Variants in ARMH3 observed in about 807,000 individuals in gnomAD.
The protein encoded by ARMH3 is armadillo-like helical domain-containing protein 3.
Under a neutral mutation model 99.1 loss-of-function variants are expected in ARMH3, and 60 were observed. The ratio of observed to expected loss-of-function variants is 0.61; its 90% CI spans 0.49 to 0.75. The LOEUF is 0.75. Ranked by LOEUF, ARMH3 falls within the 30% of genes least tolerant of loss-of-function variation. The pLI is 0.00. For synonymous variants in ARMH3, 285 were observed against 292.8 expected (o/e 0.97, Z 0.27); for missense variants, 679 against 843.1 (o/e 0.81, Z 2.41).
intron 13 of ARMH3, among the ~76,000 whole-genome samples, chr10:102,008,512 T>C (rs930242488): frequency 6.6e-6 from 1 of 151,980 alleles, no homozygotes; most frequent in African/African-American, 2.4e-5. Flanking sequence ...GGGGTATTTT[T>C]GTTTGTTTTT....
At chr10:102,023,584 G>A in intron 7 of ARMH3, 21 bp from the exon 8 acceptor site, 1 of 1,611,254 alleles carries the variant, frequency 6.2e-7, no homozygotes, top group Non-Finnish European at 8.5e-7. Flanking sequence ...AACCAAAAAT[G>A]CATGAGACTG....
chr10:101,866,848 C>G (rs2067015700), intron 24 of ARMH3, among the ~76,000 whole-genome samples: 1 of 152,138 alleles, frequency 6.6e-6, no homozygotes, highest in East Asian at 1.9e-4. Context: ...AGATGAATTT[C>G]TAGACACTAT....
chr10:101,909,920 G>A (rs889518980), intron 23 of ARMH3, among the ~76,000 whole-genome samples: 4 of 151,684 alleles, frequency 2.6e-5, no homozygotes, highest in Non-Finnish European at 5.9e-5. Flanking sequence ...TAATATTTTG[G>A]GTACTTTGGG....
intron 11 of ARMH3, 23 bp downstream of exon 11, chr10:102,011,700 G>GAAA (rs762985385): frequency 1.7e-6 from 2 of 1,166,874 alleles, no homozygotes; most frequent in Non-Finnish European, 2.3e-6. Context: ...TTTTTCAGGA[G>GAAA]AAAAAAAAAA....
intron 19 of ARMH3, among the ~76,000 whole-genome samples, chr10:101,983,011 T>A (rs1368671127): frequency 6.6e-6 from 1 of 152,228 alleles, no homozygotes; most frequent in Non-Finnish European, 1.5e-5. Flanking sequence ...CCAAAAAGGT[T>A]GGGGACCACT....
intron 24 of ARMH3, among the ~76,000 whole-genome samples, chr10:101,864,659 C>T (rs551746718): frequency 2.8e-4 from 42 of 152,246 alleles, no homozygotes; most frequent in Non-Finnish European, 4.6e-4. Flanking sequence ...AACCAAACAC[C>T]GCATGTTCTC....
chr10:101,966,517 GTGC>G (rs1175179617), intron 20 of ARMH3, among the ~76,000 whole-genome samples: 2 of 151,780 alleles, frequency 1.3e-5, no homozygotes, highest in East Asian at 3.9e-4. Flanking sequence ...ATCGGCCAAA[GTGC>G]TGGGATTATA....
At chr10:101,855,659 C>A (rs111515229) in intron 24 of ARMH3, among the ~76,000 whole-genome samples, 28 of 149,474 alleles carry the variant, frequency 1.9e-4, no homozygotes, top group African/African-American at 6.4e-4. Context: ...GATTCTTCCA[C>A]CTCAGCCTCC....
At chr10:102,036,362 C>T (rs1325278687) in intron 2 of ARMH3, among the ~76,000 whole-genome samples, 14 of 152,178 alleles carry the variant, frequency 9.2e-5, no homozygotes, top group South Asian at 8.3e-4. Context: ...GCCACCACCC[C>T]GTCTGGGAGG....
At chr10:101,860,598 G>A (rs1394704954) in intron 24 of ARMH3, among the ~76,000 whole-genome samples, 1 of 152,178 alleles carries the variant, frequency 6.6e-6, no homozygotes, top group Non-Finnish European at 1.5e-5. Flanking sequence ...TACTGAATTT[G>A]TTCCTAAATA....
intron 11 of ARMH3, among the ~76,000 whole-genome samples, chr10:102,011,318 C>T (rs976587771): frequency 2.0e-5 from 3 of 152,132 alleles, no homozygotes; most frequent in Non-Finnish European, 4.4e-5. Flanking sequence ...GCACTCAGAT[C>T]CAAACCCTAC....
chr10:102,038,329 C>T (rs796195534), intron 2 of ARMH3, among the ~76,000 whole-genome samples: 55 of 152,006 alleles, frequency 3.6e-4, no homozygotes, highest in African/African-American at 1.3e-3. Context: ...CTCCTGACCT[C>T]GTGATCCGCC....
intron 19 of ARMH3, among the ~76,000 whole-genome samples, chr10:101,984,220 A>G (rs188443722): frequency 6.6e-6 from 1 of 152,332 alleles, no homozygotes; most frequent in Admixed American, 6.5e-5. Context: ...TTACCAAGTG[A>G]CATAAGTTGC....
chr10:101,916,861 T>C (rs939965041), intron 23 of ARMH3, among the ~76,000 whole-genome samples: 5 of 152,186 alleles, frequency 3.3e-5, no homozygotes, highest in African/African-American at 9.7e-5. Flanking sequence ...TTTCTTGAGC[T>C]GGGACGTCCA....
chr10:102,007,749 C>T (rs888319044), intron 13 of ARMH3, among the ~76,000 whole-genome samples: 5 of 141,478 alleles, frequency 3.5e-5, no homozygotes, highest in East Asian at 4.2e-4. Flanking sequence ...AGGAGAATGG[C>T]GTGAACCCGG....
chr10:101,916,040 G>A (rs573529708), intron 23 of ARMH3, among the ~76,000 whole-genome samples: 8 of 152,106 alleles, frequency 5.3e-5, no homozygotes, highest in Admixed American at 2.0e-4. Flanking sequence ...TCCTGACCTC[G>A]TGATCCGCCC....
At chr10:101,853,887 G>T (rs1354713109) in intron 24 of ARMH3, among the ~76,000 whole-genome samples, 1 of 152,206 alleles carries the variant, frequency 6.6e-6, no homozygotes, top group Non-Finnish European at 1.5e-5. Flanking sequence ...GGTCGAGGCG[G>T]ATGGATCGCG....
intron 24 of ARMH3, among the ~76,000 whole-genome samples, chr10:101,850,408 ATC>A (rs201648391): frequency 5.8e-5 from 8 of 138,236 alleles, no homozygotes; most frequent in Admixed American, 2.2e-4. Flanking sequence ...CAACTTTCTA[ATC>A]TCTCTCTCTC....
chr10:101,875,298 A>G (rs2067234165), intron 24 of ARMH3, among the ~76,000 whole-genome samples: 2 of 151,942 alleles, frequency 1.3e-5, no homozygotes, highest in South Asian at 4.1e-4. Context: ...CACAGACCTC[A>G]TCGAGTGAGC....
Sources: gnomAD v4.1 joint callset for allele counts (sites outside exome capture counted in the v4.1 genomes callset) on GRCh38, gnomAD v4.1.1 for gene constraint, MANE v1.5 for transcripts, NCBI Gene and HGNC (gene_info 2026-07-23, HGNC 2026-07-21) for gene names.